The following ADAMTS13 variants were observed in gnomAD, a reference collection of about 807,000 sequenced individuals.
ADAMTS13 encodes ADAM metallopeptidase with thrombospondin type 1 motif 13.
ADAMTS13 carries 110 observed loss-of-function variants against 155.1 expected under a neutral mutation model. The ratio of observed to expected loss-of-function variants is 0.71; its 90% confidence interval spans 0.61 to 0.83. The LOEUF (loss-of-function observed/expected upper bound fraction) is 0.83. ADAMTS13 is among the 40% of genes least tolerant of loss of function. ADAMTS13 has a pLI of 0.00. For synonymous variants in ADAMTS13, 758 were observed against 756.4 expected (o/e 1.00, Z -0.03); for missense variants, 1,707 against 1,891.7 (o/e 0.90, Z 1.81).
Position 133,439,436 on chromosome 9 carries a change from C to T in ADAMTS13, c.1776C>T (p.Phe592=), listed in dbSNP as rs1841495658. The change falls in exon 15 of 29, where the codon TTC becomes TTT. Residue 592 remains phenylalanine (F), a synonymous_variant. Coordinates refer to ENST00000355699, the MANE Select transcript of ADAMTS13 (RefSeq NM_139027.6). ...ACATTGCCAACCACAGGCCTCTCTT[C>T]ACACACTTGGGTGAGTTGACTGGAG... is the stretch of plus-strand genomic sequence containing the variant. ...SVYIANHRPL[F]THLAVRIGGR... is the part of the protein sequence containing the mutation. The T allele has an allele frequency of 6.2e-7, 1 of 1,613,964 alleles. No individual in the cohort carries two copies.
chr9:133,428,567 GTC>G, intron 6 of ADAMTS13, 65 bp from the exon 7 acceptor site: 1 of 96,950 alleles, frequency 1.0e-5, no homozygotes. Context: ...GCCGACCCCC[GTC>G]CCGCCCCCAC....
chr9:133,419,966 G>A (rs185292736), upstream of ADAMTS13, among the ~76,000 whole-genome samples: 320 of 151,726 alleles, frequency 2.1e-3, 1 homozygote, highest in African/African-American at 7.3e-3. Context: ...GTGCAATGGC[G>A]CAATCTCGGC....
In ADAMTS13 at chr9:133,459,191, A is replaced by G; in HGVS notation, c.*11A>G. ...AAGGAAGGAACCTGAGGGTCATTGA[A>G]CATTTGTTCCGTGTCTGGCCAGCCC... On this transcript the variant is annotated 3_prime_UTR_variant, in exon 29 of 29. Coordinates refer to ENST00000355699, the MANE Select transcript of ADAMTS13 (RefSeq NM_139027.6). 2 of 1,600,658 alleles carry G rather than the reference A, an allele frequency of 1.2e-6. No homozygotes were observed. Among genetic ancestry groups the G allele is most frequent in the Non-Finnish European group, 1.7e-6 (2 of 1,173,596 alleles).
At chr9:133,442,246 C>T (rs1554790973) in intron 16 of ADAMTS13, among the ~76,000 whole-genome samples, 153 bp from the exon 17 acceptor site, 1 of 152,170 alleles carries the variant, frequency 6.6e-6, no homozygotes. Flanking sequence ...TTTGGGTTTA[C>T]AGGCATGAGC....
chr9:133,419,700 G>A (rs181012988), upstream of ADAMTS13, among the ~76,000 whole-genome samples: 2 of 152,236 alleles, frequency 1.3e-5, no homozygotes, highest in Middle Eastern at 3.4e-3. Flanking sequence ...ACCAGATATG[G>A]CACTGAGATT....
At chr9:133,437,701 G>A (rs369281011) in intron 12 of ADAMTS13, 48 bp from the exon 13 acceptor site, 24 of 1,612,136 alleles carry the variant, frequency 1.5e-5, no homozygotes, top group Middle Eastern at 3.3e-4. Context: ...TGGGGGACTT[G>A]CCCCTCCTGC....
At chr9:133,433,743 GCACCGGGCC>G (rs1588166581) in intron 11 of ADAMTS13, 39 bp downstream of exon 11, 2 of 1,607,328 alleles carry the variant, frequency 1.2e-6, no homozygotes, top group South Asian at 1.1e-5. Flanking sequence ...GCAGCTGGTG[GCACCGGGCC>G]CTGGGGGAGC....
Position 133,457,971 on chromosome 9 carries a change from C to T in ADAMTS13, c.3786C>T (p.Ala1262=), listed in dbSNP as rs781935926. 1 of 1,613,646 alleles carries T rather than the reference C, an allele frequency of 6.2e-7. No homozygotes were observed. The highest frequency in any genetic ancestry group is 8.5e-7 in the Non-Finnish European group (1 of 1,180,048). ...TCGTGAGCCCCTCGCTGAGTCCAGC[C>T]ACGAGTAATGCAGGGGGCTGCCGGC... The part of the protein sequence containing the change: ...GEIVSPSLSP[A]TSNAGGCRLF... The change falls in exon 28 of 29, where the codon GCC becomes GCT. Residue 1262 remains alanine, a synonymous_variant. Coordinates refer to ENST00000355699, the MANE Select transcript of ADAMTS13 (RefSeq NM_139027.6).
chr9:133,446,283 C>T (rs36221904), intron 21 of ADAMTS13, among the ~76,000 whole-genome samples: 5 of 152,332 alleles, frequency 3.3e-5, no homozygotes, highest in African/African-American at 1.2e-4. Context: ...ACCAACCTCT[C>T]CAGAACTTTT....
Position 133,428,699 on chromosome 9 carries a change from C to A in ADAMTS13, c.752C>A (p.Ser251Ter), listed in dbSNP as rs1256906438. ...GCGPSGHVMA[S>*]DGAAPRAGLA... Reference sequence around the variant, plus strand: ...GGCCCCAGCGGACACGTGATGGCTTCGGACGGCGCCGCGCCCCGCGCCGGC... The same window carrying A: ...GGCCCCAGCGGACACGTGATGGCTTAGGACGGCGCCGCGCCCCGCGCCGGC... Residue 251 changes from serine (S) to a stop codon, truncating the protein, a stop_gained, in exon 7 of 29, where the codon TCG (serine) becomes TAG (stop). Transcript: ENST00000355699. LOFTEE classifies it high-confidence loss of function. 7.4e-7 allele frequency: 1 copy of A among 1,359,834 alleles called. No individual in the cohort carries two copies. Among genetic ancestry groups the A allele is most frequent in the South Asian group, 1.7e-5 (1 of 58,886 alleles). 84.2% of individuals were successfully genotyped at this position (1,359,834 alleles called of 1,614,324 possible).
In ADAMTS13 at chr9:133,436,973, TG is replaced by T; in HGVS notation, c.1435+22del. The T allele has an allele frequency of 6.3e-7, 1 of 1,592,080 alleles. No homozygotes were observed. ...CAGCCAAGGTGGGGCCTGCGGAGTGTGGGGTTGGGGGAGGAGCCAGCCCTGG... is the reference window on the plus strand; with the variant it reads ...CAGCCAAGGTGGGGCCTGCGGAGTGTGGGTTGGGGGAGGAGCCAGCCCTGG... On this transcript the variant is annotated intron_variant, in intron 12 of 28. Transcript: ENST00000355699.
At position 133,442,416 on chromosome 9, in the gene ADAMTS13, C is replaced by T. The variant is rs199741568; in HGVS notation, c.1986C>T (p.Gly662=). ...GTCTGCAGGTTTACAGGCGGTATGG[C>T]GAGGAGTATGGCAACCTCACCCGCC... ...DADIQVYRRY[G]EEYGNLTRPD... is the part of the protein sequence containing the mutation. The change falls in exon 17 of 29, where the codon GGC becomes GGT. Residue 662 remains glycine, a synonymous_variant. Transcript: ENST00000355699. The T allele has an allele frequency of 1.1e-5, 17 of 1,613,766 alleles. No individual in the cohort carries two copies. The Admixed American group carries it at 1.5e-4, about 14-fold the overall frequency.
chr9:133,455,925 T>G (rs1842715483), intron 25 of ADAMTS13, 144 bp from the exon 26 acceptor site: 1 of 1,094,530 alleles, frequency 9.1e-7, no homozygotes, highest in East Asian at 2.5e-5. Context: ...CCCCCCTCCC[T>G]GTCCTGAGAA....
At chr9:133,452,449 T>C (rs138442332) in intron 23 of ADAMTS13, among the ~76,000 whole-genome samples, 100 of 152,356 alleles carry the variant, frequency 6.6e-4, no homozygotes, top group African/African-American at 2.3e-3. Flanking sequence ...ATTTAACATC[T>C]GTGTCACTAG....
chr9:133,424,294 C>T lies in ADAMTS13; in HGVS notation c.173-27C>T. On this transcript the variant is annotated intron_variant, in intron 2 of 28. Coordinates refer to ENST00000355699, the MANE Select transcript of ADAMTS13 (RefSeq NM_139027.6). This position sits in a 1 kb window ranked among gnomAD's most constrained non-coding sequence, Gnocchi z 4.3. ...CACTGCTTGCTCTCTAGAACCATCGCCCTCTGCTCTCCCTCTCCCCCTCCA... is the reference window on the plus strand; with the variant it reads ...CACTGCTTGCTCTCTAGAACCATCGTCCTCTGCTCTCCCTCTCCCCCTCCA... 6.2e-7 allele frequency: 1 copy of T among 1,609,878 alleles called. No homozygotes were observed.
Position 133,456,499 on chromosome 9 carries a change from C to T in ADAMTS13, c.3548-44C>T, listed in dbSNP as rs781803868. ...ACCCTGGAGCCACTCCTCTGCTGAC[C>T]AGGCGTGGGAGTGCTGGACCCTCAC... On this transcript the variant is annotated intron_variant, in intron 26 of 28. Coordinates refer to ENST00000355699, the MANE Select transcript of ADAMTS13 (RefSeq NM_139027.6). This position sits in a 1 kb window ranked among gnomAD's most constrained non-coding sequence, Gnocchi z 4.4. The T allele has an allele frequency of 1.7e-5, 28 of 1,603,976 alleles. No homozygotes were observed. The highest frequency in any genetic ancestry group is 7.8e-5 in the South Asian group (7 of 89,572).
At chr9:133,419,236 G>A (rs587684113), upstream of ADAMTS13, among the ~76,000 whole-genome samples, 7 of 152,304 alleles carry the variant, frequency 4.6e-5, no homozygotes, top group Middle Eastern at 6.8e-3. Context: ...GCAATTGGGT[G>A]TGGCCATTTA....
intron 18 of ADAMTS13, 111 bp from the exon 19 acceptor site, chr9:133,443,265 A>G: frequency 7.4e-7 from 1 of 1,343,478 alleles, no homozygotes; most frequent in African/African-American, 1.4e-5. Context: ...GGCTGGCCGT[A>G]GTGCCCATTG....
At chr9:133,430,227 G>A in intron 8 of ADAMTS13, 126 bp downstream of exon 8, 2 of 1,291,390 alleles carry the variant, frequency 1.5e-6, no homozygotes, top group Non-Finnish European at 2.2e-6. Flanking sequence ...ACTAAGCCAG[G>A]GCGGCTTAGT....
Sources: allele counts gnomAD v4.1 joint callset (sites outside exome capture counted in the v4.1 genomes callset), GRCh38; gene constraint gnomAD v4.1.1; non-coding constraint Gnocchi (gnomAD v3.1); transcripts MANE v1.5; gene names NCBI Gene and HGNC (gene_info 2026-07-23, HGNC 2026-07-21).